The following GABRA3 variants were observed in gnomAD, a reference collection of about 807,000 sequenced individuals.
GABRA3 encodes gamma-aminobutyric acid type A receptor subunit alpha3.
GABRA3 carries 10 observed loss-of-function variants against 30.1 expected under a neutral mutation model. The observed-to-expected ratio is 0.33, with a 90% CI of 0.20 to 0.56. The LOEUF (loss-of-function observed/expected upper bound fraction) is 0.56, where lower values mean the gene tolerates loss of function less well. GABRA3 is among the 20% of genes least tolerant of loss of function. The pLI is 0.89. For synonymous variants in GABRA3, 151 were observed against 146.8 expected (o/e 1.03, Z -0.21); for missense variants, 233 against 392.0 (o/e 0.59, Z 3.42).
At chrX:152,446,013 C>A (rs1931077921) in intron 1 of GABRA3, among the ~76,000 whole-genome samples, 1 of 112,053 alleles carries the variant, frequency 8.9e-6, no homozygotes. Flanking sequence ...GACATATAAC[C>A]TAGTTTTTAA....
chrX:152,440,718 A>G (rs1284712235), intron 1 of GABRA3, among the ~76,000 whole-genome samples: 1 of 112,022 alleles, frequency 8.9e-6, no homozygotes, highest in African/African-American at 3.2e-5. Context: ...TTGCAGGAAC[A>G]TGGATGAAGC....
chrX:152,346,009 T>C (rs892763837), intron 2 of GABRA3, among the ~76,000 whole-genome samples: 51 of 111,448 alleles, frequency 4.6e-4, no homozygotes, highest in African/African-American at 1.6e-3. Context: ...ACTGAGAACA[T>C]TTCCCGGCAT....
chrX:152,400,348 A>G (rs1467619946), intron 1 of GABRA3, among the ~76,000 whole-genome samples: 3 of 109,016 alleles, frequency 2.8e-5, no homozygotes, highest in African/African-American at 1.0e-4. Context: ...ATAAATAAAT[A>G]AATAAATAAA....
chrX:152,212,400 C>T (rs1937642474), intron 6 of GABRA3, among the ~76,000 whole-genome samples: 1 of 101,889 alleles, frequency 9.8e-6, no homozygotes, highest in Non-Finnish European at 2.0e-5. Context: ...ATTATATAGT[C>T]CCCAGAAGAA....
intron 7 of GABRA3, among the ~76,000 whole-genome samples, chrX:152,203,237 G>A (rs746623577): frequency 1.8e-5 from 2 of 111,921 alleles, no homozygotes; most frequent in Non-Finnish European, 3.8e-5. Context: ...GACTGTATCA[G>A]TGTGTTTACT....
intron 1 of GABRA3, among the ~76,000 whole-genome samples, chrX:152,386,325 A>G (rs1929309494): frequency 9.1e-6 from 1 of 110,354 alleles, no homozygotes; most frequent in African/African-American, 3.3e-5. Context: ...TGTAAGTTGG[A>G]TTCCTAGGTA....
chrX:152,279,025 A>G (rs1939146237), intron 4 of GABRA3, among the ~76,000 whole-genome samples: 1 of 111,265 alleles, frequency 9.0e-6, no homozygotes, highest in South Asian at 3.8e-4. Context: ...TTGTCAGATG[A>G]GTAGATTTCA....
chrX:152,261,076 G>A (rs1203161346), intron 4 of GABRA3, among the ~76,000 whole-genome samples: 1 of 111,196 alleles, frequency 9.0e-6, no homozygotes, highest in African/African-American at 3.3e-5. Context: ...CCAGGCAAGA[G>A]GGGGAAAAGC....
chrX:152,300,397 C>T (rs183768504), intron 3 of GABRA3, among the ~76,000 whole-genome samples: 39 of 111,190 alleles, frequency 3.5e-4, no homozygotes, highest in Admixed American at 3.0e-3. Context: ...AGTTGATTAC[C>T]TGATAAAACA....
At position 152,224,831 on chromosome X, in the gene GABRA3, G is replaced by T; in HGVS notation, c.566C>A (p.Ala189Asp). 8.5e-7 allele frequency: 1 copy of T among 1,179,230 alleles called. No individual in the cohort carries two copies. Among genetic ancestry groups the T allele is most frequent in the Non-Finnish European group, 1.1e-6 (1 of 872,576 alleles). The change falls in exon 6 of 10, where the codon GCT becomes GAT. Residue 189 changes from alanine (A) to aspartate (D), a missense_variant. By Grantham distance (126) the Ala-to-Asp change is moderately radical (BLOSUM62 -2). Coordinates refer to ENST00000370314, the MANE Select transcript of GABRA3 (RefSeq NM_000808.4). ...ATCTTCCAAATGCATGGGACACTCA[G>T]CATGAATTGTTAACCTAAAAGAAAG... ...LLYTMRLTIH[A>D]ECPMHLEDFP...
intron 3 of GABRA3, among the ~76,000 whole-genome samples, chrX:152,315,945 C>T (rs1369735893): frequency 2.5e-4 from 22 of 86,457 alleles, no homozygotes; most frequent in African/African-American, 9.8e-4. Flanking sequence ...GTCATATTCT[C>T]TTGGGAGTTT....
intron 8 of GABRA3, 83 bp from the exon 9 acceptor site, chrX:152,190,024 AAGG>A: frequency 1.4e-6 from 1 of 711,983 alleles, no homozygotes; most frequent in Non-Finnish European, 2.1e-6. Flanking sequence ...TCCTATTTGA[AAGG>A]AGAAGCTTTA....
intron 1 of GABRA3, among the ~76,000 whole-genome samples, chrX:152,387,233 C>T (rs1207565532): frequency 9.2e-6 from 1 of 109,175 alleles, no homozygotes; most frequent in African/African-American, 3.4e-5. Flanking sequence ...ACCAGCATGG[C>T]ACATGTGTAC....
intron 5 of GABRA3, among the ~76,000 whole-genome samples, chrX:152,247,031 G>T (rs1349758891): frequency 9.0e-6 from 1 of 111,719 alleles, no homozygotes; most frequent in African/African-American, 3.3e-5. Flanking sequence ...AGTAGGAGAA[G>T]AATTTTACTG....
At chrX:152,420,669 G>A (rs764201461) in intron 1 of GABRA3, among the ~76,000 whole-genome samples, 1 of 111,171 alleles carries the variant, frequency 9.0e-6, no homozygotes, top group Non-Finnish European at 1.9e-5. Flanking sequence ...TTGGCAATCC[G>A]ATTCTAAAAT....
chrX:152,342,165 C>A (rs1940324630), intron 3 of GABRA3, among the ~76,000 whole-genome samples: 1 of 112,701 alleles, frequency 8.9e-6, no homozygotes, highest in Non-Finnish European at 1.9e-5. Context: ...GCCACCACGC[C>A]CGGCCCTATT....
chrX:152,287,979 C>A (rs1442558814), intron 3 of GABRA3, among the ~76,000 whole-genome samples: 2 of 111,042 alleles, frequency 1.8e-5, no homozygotes, highest in African/African-American at 6.6e-5. Flanking sequence ...CTGTTTCTTT[C>A]TTAACAATCA....
At chrX:152,280,058 C>T (rs779351672) in intron 4 of GABRA3, among the ~76,000 whole-genome samples, 58 of 111,592 alleles carry the variant, frequency 5.2e-4, no homozygotes, top group Admixed American at 7.6e-4. Flanking sequence ...CATCTGCAAA[C>T]AGAGACAATT....
intron 3 of GABRA3, among the ~76,000 whole-genome samples, chrX:152,306,313 A>G (rs1330368251): frequency 1.8e-5 from 2 of 112,321 alleles, no homozygotes; most frequent in Non-Finnish European, 3.8e-5. Flanking sequence ...TATATTCCCT[A>G]TAAGTCAGCT....
Sources: allele counts gnomAD v4.1 joint callset (sites outside exome capture counted in the v4.1 genomes callset), GRCh38; gene constraint gnomAD v4.1.1; transcripts MANE v1.5; gene names NCBI Gene and HGNC (gene_info 2026-07-23, HGNC 2026-07-21).